SDR16C5: variants seen among roughly 807,000 people sequenced by gnomAD.
SDR16C5 encodes the protein short chain dehydrogenase/reductase family 16C member 5.
A neutral mutation model predicts 27.7 loss-of-function variants in SDR16C5; 20 were observed. The observed-to-expected ratio is 0.72, with a 90% CI of 0.51 to 1.05. SDR16C5 has a LOEUF of 1.05. Ranked by LOEUF, SDR16C5 falls within the 50% of genes least tolerant of loss-of-function variation. The pLI, the probability that SDR16C5 is intolerant of heterozygous loss-of-function variation, is 0.00. For missense variants in SDR16C5, 374 were observed against 366.3 expected, an observed-to-expected ratio of 1.02 and a Z score of -0.17; for synonymous variants, 139 against 132.3, an observed-to-expected ratio of 1.05 and a Z score of -0.35.
At chr8:56,309,318 TA>T in intron 3 of SDR16C5, 1 of 985,358 alleles carries the variant, frequency 1.0e-6, no homozygotes, top group Non-Finnish European at 1.2e-6. Flanking sequence ...ATTGAAGGAG[TA>T]AATCTTTGTT....
chr8:56,302,129 A>T (rs899734605), intron 6 of SDR16C5, among the ~76,000 whole-genome samples: 2 of 152,228 alleles, frequency 1.3e-5, no homozygotes, highest in Non-Finnish European at 2.9e-5. Context: ...ATGCATGATC[A>T]TCATCCCAAC....
chr8:56,313,832 G>T (rs1815113303), intron 2 of SDR16C5, among the ~76,000 whole-genome samples: 1 of 152,184 alleles, frequency 6.6e-6, no homozygotes, highest in African/African-American at 2.4e-5. Context: ...AAAGTTATTG[G>T]AGACTCAGCA....
chr8:56,300,525 T>C lies in SDR16C5; in HGVS notation c.*955A>G, dbSNP rs1814724711. Reference sequence around the variant, plus strand: ...GCTTTTATAGTTAATCTCCAAAGCATGAAAGCACTTTGCCAGTTGATTAAA... The same window carrying C: ...GCTTTTATAGTTAATCTCCAAAGCACGAAAGCACTTTGCCAGTTGATTAAA... On this transcript the variant is annotated 3_prime_UTR_variant, in exon 7 of 7. Transcript: ENST00000303749. The C allele has an allele frequency of 6.6e-6, 1 of 152,184 alleles. No homozygotes were observed. The highest frequency in any genetic ancestry group is 1.5e-5 in the Non-Finnish European group (1 of 68,034). 9.4% of individuals were successfully genotyped at this position (152,184 alleles called of 1,614,324 possible).
intron 1 of SDR16C5, among the ~76,000 whole-genome samples, chr8:56,318,720 C>G (rs1007673721): frequency 1.3e-5 from 2 of 152,122 alleles, no homozygotes; most frequent in African/African-American, 4.8e-5. Context: ...TTTCAGTGTT[C>G]CACTGTCTCA....
chr8:56,307,323 T>C (rs1187200174), intron 4 of SDR16C5, among the ~76,000 whole-genome samples: 1 of 151,972 alleles, frequency 6.6e-6, no homozygotes, highest in Non-Finnish European at 1.5e-5. Context: ...CTTGGTAGCT[T>C]CAACCTCCAC....
At chr8:56,317,952 T>C (rs531811102) in intron 1 of SDR16C5, among the ~76,000 whole-genome samples, 1 of 152,260 alleles carries the variant, frequency 6.6e-6, no homozygotes, top group African/African-American at 2.4e-5. Flanking sequence ...AAGAGACGTA[T>C]TCAACAAATA....
chr8:56,308,890 G>C, intron 4 of SDR16C5, 38 bp downstream of exon 4: 1 of 1,408,110 alleles, frequency 7.1e-7, no homozygotes, highest in South Asian at 1.2e-5. Context: ...TAAAGTTATA[G>C]GGAATTTTGC....
chr8:56,311,329 C>T (rs1385775903), intron 3 of SDR16C5, among the ~76,000 whole-genome samples: 2 of 152,076 alleles, frequency 1.3e-5, no homozygotes, highest in African/African-American at 2.4e-5. Flanking sequence ...GCACGAGAAT[C>T]GCTTGAATCC....
chr8:56,304,630 C>T (rs118153522), intron 6 of SDR16C5, among the ~76,000 whole-genome samples: 2,106 of 152,126 alleles, frequency 0.014, 26 homozygotes, highest in Middle Eastern at 0.024. Context: ...ACTCTGCCTC[C>T]CTGTTTCAAG....
intron 4 of SDR16C5, among the ~76,000 whole-genome samples, chr8:56,307,286 C>G (rs1007012351): frequency 2.0e-5 from 3 of 152,042 alleles, no homozygotes; most frequent in Non-Finnish European, 4.4e-5. Context: ...ATAACTCTTT[C>G]CTTCACTTCC....
intron 1 of SDR16C5, among the ~76,000 whole-genome samples, chr8:56,317,739 T>C (rs1164766552): frequency 7.2e-5 from 11 of 152,208 alleles, no homozygotes; most frequent in Admixed American, 4.6e-4. Flanking sequence ...CCTGGCTTAT[T>C]GTACAGATGA....
intron 6 of SDR16C5, among the ~76,000 whole-genome samples, chr8:56,304,260 G>A (rs1318113639): frequency 6.6e-6 from 1 of 152,206 alleles, no homozygotes; most frequent in Non-Finnish European, 1.5e-5. Flanking sequence ...TGGCAAGACT[G>A]ATGGAATTGC....
intron 3 of SDR16C5, 106 bp downstream of exon 3, chr8:56,312,051 G>A: frequency 1.0e-6 from 1 of 958,002 alleles, no homozygotes; most frequent in Non-Finnish European, 1.6e-6. Flanking sequence ...AAACTGAGAA[G>A]TCTCTGCTTT....
chr8:56,303,300 C>T (rs1465912718), intron 6 of SDR16C5, among the ~76,000 whole-genome samples: 3 of 144,132 alleles, frequency 2.1e-5, no homozygotes, highest in Non-Finnish European at 3.0e-5. Flanking sequence ...GGGTGATGAG[C>T]GAAACTCCAT....
Position 56,316,113 on chromosome 8 carries a change from C to T in SDR16C5, c.235G>A (p.Glu79Lys), listed in dbSNP as rs144684992. 8 of 1,613,986 alleles carry T rather than the reference C, an allele frequency of 5.0e-6. No individual in the cohort carries two copies. The East Asian group carries it at 8.9e-5, about 18-fold the overall frequency. The change falls in exon 2 of 7, where the codon GAA (glutamate) becomes AAA (lysine). Residue 79 changes from glutamate (E) to lysine (K), a missense_variant. By Grantham distance (56) the Glu-to-Lys change is moderately conservative. Coordinates refer to ENST00000303749, the MANE Select transcript of SDR16C5 (RefSeq NM_138969.4). ...LWDINKEGNE[E>K]TCKMAREAGA... ...GCTTCCCGAGCCATCTTACATGTTT[C>T]CTCATTCCCCTCCTTATTGATATCC...
chr8:56,310,674 C>T (rs1211569143), intron 3 of SDR16C5, among the ~76,000 whole-genome samples: 4 of 148,928 alleles, frequency 2.7e-5, no homozygotes, highest in Admixed American at 6.7e-5. Flanking sequence ...GCCGAGATCG[C>T]GCCACTGCAC....
Position 56,316,029 on chromosome 8 carries a change from T to C in SDR16C5, c.319A>G (p.Arg107Gly), listed in dbSNP as rs760117915. 1.2e-6 allele frequency: 2 copies of C among 1,613,056 alleles called. No individual in the cohort carries two copies. The highest frequency in any genetic ancestry group is 8.5e-7 in the Non-Finnish European group (1 of 1,179,120). The change falls in exon 2 of 7, where the codon AGA becomes GGA. Residue 107 changes from arginine to glycine, a missense_variant. By Grantham distance (125) the Arg-to-Gly change is moderately radical. Coordinates refer to ENST00000303749, the MANE Select transcript of SDR16C5 (RefSeq NM_138969.4). ...CDCSQKEGVYRVADQVKKEVG... is the reference protein window; with the variant it reads ...CDCSQKEGVYGVADQVKKEVG... ...ACAAGAGTTACCTGGTCGGCTACTC[T>C]ATACACTCCTTCCTTTTGGCTGCAA...
intron 1 of SDR16C5, among the ~76,000 whole-genome samples, chr8:56,319,168 CG>C (rs1815269496): frequency 6.7e-6 from 1 of 149,244 alleles, no homozygotes; most frequent in African/African-American, 2.5e-5. Context: ...AAGTCCTCTG[CG>C]GGGTGCAAGG....
Position 56,316,162 on chromosome 8 carries a change from C to A in SDR16C5, c.186G>T (p.Arg62=), listed in dbSNP as rs1317235548. The part of the protein sequence containing the change: ...LGRLLALQFA[R]LGSVLVLWDI... ...CCCAGAGAACAAGAACAGATCCCAG[C>A]CGGGCAAACTGCAAGGCTAAGAGCC... Residue 62 remains arginine, a synonymous_variant, in exon 2 of 7, where the codon CGG becomes CGT. Coordinates refer to ENST00000303749, the MANE Select transcript of SDR16C5 (RefSeq NM_138969.4). The A allele has an allele frequency of 6.2e-7, 1 of 1,614,130 alleles. No individual in the cohort carries two copies. Among genetic ancestry groups the A allele is most frequent in the African/African-American group, 1.3e-5 (1 of 75,038 alleles).
Sources: allele counts gnomAD v4.1 joint callset (sites outside exome capture counted in the v4.1 genomes callset), GRCh38; gene constraint gnomAD v4.1.1; transcripts MANE v1.5; gene names NCBI Gene and HGNC (gene_info 2026-07-23, HGNC 2026-07-21).